CPNE4: variants seen among roughly 807,000 people sequenced by gnomAD.
CPNE4 encodes the protein copine 4, also known as copine-4.
Under a neutral mutation model 67.9 loss-of-function variants are expected in CPNE4, and 25 were observed. That is an observed-to-expected ratio of 0.37 (90% confidence interval 0.27 to 0.51). CPNE4 has a LOEUF of 0.51. Ranked by LOEUF, CPNE4 falls within the 20% of genes least tolerant of loss-of-function variation. The pLI, the probability that CPNE4 is intolerant of heterozygous loss-of-function variation, is 0.93. For missense variants in CPNE4, 464 were observed against 690.8 expected (o/e 0.67, Z 3.68); for synonymous variants, 242 against 244.9 (o/e 0.99, Z 0.11).
At chr3:131,563,777 A>C (rs1335420416) in intron 11 of CPNE4, among the ~76,000 whole-genome samples, 1 of 152,082 alleles carries the variant, frequency 6.6e-6, no homozygotes, top group Non-Finnish European at 1.5e-5. Flanking sequence ...TAAGGAATAC[A>C]TACTATATAA....
chr3:131,634,919 CA>C (rs1449196408), intron 7 of CPNE4, among the ~76,000 whole-genome samples: 1 of 152,058 alleles, frequency 6.6e-6, no homozygotes, highest in Non-Finnish European at 1.5e-5. Flanking sequence ...AAATTAATAA[CA>C]CATCAAATGG....
At chr3:131,959,288 C>T (rs1463133486) in intron 1 of CPNE4, among the ~76,000 whole-genome samples, 3 of 29,944 alleles carry the variant, frequency 1.0e-4, no homozygotes, top group African/African-American at 2.1e-4. Context: ...GCGTGAGCCA[C>T]CGCGCCCGGC....
At chr3:132,023,951 G>T (rs1435427910) in intron 1 of CPNE4, among the ~76,000 whole-genome samples, 1 of 152,164 alleles carries the variant, frequency 6.6e-6, no homozygotes, top group Non-Finnish European at 1.5e-5. Context: ...GTCTAGAAAA[G>T]ATGTTACTAT....
rs146931886 is a variant in CPNE4 at position 131,918,489 on chromosome 3, A to C, written c.-1-13045T>G. On this transcript the variant is annotated intron_variant, in intron 1 of 15. Transcript: ENST00000429747. ...GGCAAACAAATATTTAGAAAAGATT[A>C]AGTTTGCTTGTTCTCTGCCATATTT... is the stretch of plus-strand genomic sequence containing the variant. Among the ~76,000 whole-genome samples the C allele has an allele frequency of 7.0e-4, 106 of 152,330 alleles. 1 individual carries two copies. The highest frequency in any genetic ancestry group is 2.5e-3 in the African/African-American group (104 of 41,594).
At chr3:131,799,903 CGTGTGTGTGTGTGTGTTGT>C (rs1275896951) in intron 2 of CPNE4, among the ~76,000 whole-genome samples, 11 of 136,082 alleles carry the variant, frequency 8.1e-5, no homozygotes, top group Non-Finnish European at 1.6e-4. Context: ...TTTGTTGGTG[CGTGTGTGTGTGTGTGTTGT>C]GTGTGTGTGT....
intron 6 of CPNE4, among the ~76,000 whole-genome samples, chr3:131,684,207 A>T (rs978529933): frequency 6.6e-6 from 1 of 152,054 alleles, no homozygotes; most frequent in Non-Finnish European, 1.5e-5. Context: ...TATGGGTAGG[A>T]TAATTAGAGG....
At chr3:131,752,432 T>A (rs2082652732) in intron 2 of CPNE4, among the ~76,000 whole-genome samples, 1 of 152,122 alleles carries the variant, frequency 6.6e-6, no homozygotes, top group Non-Finnish European at 1.5e-5. Context: ...CACACTTTAA[T>A]GTTTGCTGGT....
intron 3 of CPNE4, among the ~76,000 whole-genome samples, chr3:131,714,646 G>A (rs866405642): frequency 1.5e-4 from 23 of 152,114 alleles, no homozygotes; most frequent in African/African-American, 5.6e-4. Flanking sequence ...GTGATGTCTG[G>A]ACCTGCAGAA....
chr3:131,897,845 T>C (rs937698513), intron 2 of CPNE4, among the ~76,000 whole-genome samples: 4 of 151,898 alleles, frequency 2.6e-5, no homozygotes, highest in African/African-American at 9.7e-5. Context: ...TGAGCTATGA[T>C]TGCACCACTG....
chr3:132,036,889 G>C (rs1206688513), upstream of CPNE4, among the ~76,000 whole-genome samples: 1 of 152,122 alleles, frequency 6.6e-6, no homozygotes, highest in Non-Finnish European at 1.5e-5. Flanking sequence ...CTATTTCCAG[G>C]CAATCTGTTA....
chr3:131,749,088 G>T (rs1471218200), intron 2 of CPNE4, among the ~76,000 whole-genome samples: 1 of 151,916 alleles, frequency 6.6e-6, no homozygotes, highest in East Asian at 1.9e-4. Context: ...TATTAGAAGC[G>T]CACTCAGCAC....
chr3:131,558,739 A>G (rs2107655994), intron 11 of CPNE4, among the ~76,000 whole-genome samples: 1 of 152,178 alleles, frequency 6.6e-6, no homozygotes, highest in East Asian at 1.9e-4. Flanking sequence ...TGAAGCTCAC[A>G]GCAATATGGC....
At chr3:131,998,172 T>G (rs1330572373) in intron 1 of CPNE4, among the ~76,000 whole-genome samples, 1 of 152,146 alleles carries the variant, frequency 6.6e-6, no homozygotes, top group Non-Finnish European at 1.5e-5. Context: ...TTTAAAGGCA[T>G]AGAAATGCTA....
chr3:131,733,868 A>G (rs1178914575), intron 2 of CPNE4, among the ~76,000 whole-genome samples: 1 of 152,266 alleles, frequency 6.6e-6, no homozygotes, highest in Non-Finnish European at 1.5e-5. Flanking sequence ...ATGTTTAAAA[A>G]TAGTGAAGAG....
At chr3:131,814,994 A>G (rs1320286386) in intron 2 of CPNE4, among the ~76,000 whole-genome samples, 1 of 152,210 alleles carries the variant, frequency 6.6e-6, no homozygotes, top group Non-Finnish European at 1.5e-5. Context: ...AGAGTTCTAA[A>G]GGAGGCCAAC....
chr3:131,692,273 G>A (rs1202944814), intron 5 of CPNE4, among the ~76,000 whole-genome samples: 1 of 152,124 alleles, frequency 6.6e-6, no homozygotes, highest in Admixed American at 6.6e-5. Flanking sequence ...ATCTGAGTAT[G>A]CTTTATCTAT....
intron 7 of CPNE4, among the ~76,000 whole-genome samples, chr3:131,601,691 A>G (rs1939215917): frequency 6.6e-6 from 1 of 151,958 alleles, no homozygotes; most frequent in Non-Finnish European, 1.5e-5. Flanking sequence ...TACTTTCTCT[A>G]CTCTCTTGTT....
intron 1 of CPNE4, among the ~76,000 whole-genome samples, chr3:132,006,789 G>C (rs532749289): frequency 1.3e-5 from 2 of 152,108 alleles, no homozygotes; most frequent in Admixed American, 6.6e-5. Flanking sequence ...GACGTGCCCA[G>C]ACCGCAAAGG....
chr3:131,798,673 T>C (rs974332611), intron 2 of CPNE4, among the ~76,000 whole-genome samples: 2 of 152,104 alleles, frequency 1.3e-5, no homozygotes, highest in African/African-American at 4.8e-5. Context: ...AGAAAGGAAG[T>C]GTTTCAACCT....
Sources: allele counts gnomAD v4.1 joint callset (sites outside exome capture counted in the v4.1 genomes callset), GRCh38; gene constraint gnomAD v4.1.1; transcripts MANE v1.5; gene names NCBI Gene and HGNC (gene_info 2026-07-23, HGNC 2026-07-21).